Variants in PTPRD observed in about 807,000 individuals in gnomAD.
The protein encoded by PTPRD is protein tyrosine phosphatase receptor type D.
A neutral mutation model predicts 214.5 loss-of-function variants in PTPRD; 34 were observed. That is an observed-to-expected ratio of 0.16 (90% CI 0.12 to 0.21). PTPRD has a LOEUF of 0.21. PTPRD is among the 10% of genes least tolerant of loss of function. The probability of loss-of-function intolerance (pLI) is 1.00; values close to 1 mark genes in which losing one functional copy is unlikely to be tolerated. For missense variants in PTPRD, 2,545 were observed against 2,398.7 expected, an observed-to-expected ratio of 1.06 and a Z score of -1.27; for synonymous variants, 1,128 against 845.7, an observed-to-expected ratio of 1.33 and a Z score of -5.79.
At chr9:10,599,105 C>G (rs561375789) in intron 2 of PTPRD, among the ~76,000 whole-genome samples, 8 of 151,570 alleles carry the variant, frequency 5.3e-5, no homozygotes, top group African/African-American at 1.7e-4. Flanking sequence ...GAAATTGGAC[C>G]TATTTTCCTT....
Position 10,449,027 on chromosome 9 carries a change from A to G in PTPRD, c.-599-108010T>C, listed in dbSNP as rs190313859. Among the ~76,000 whole-genome samples, 38 of 152,092 alleles carry G rather than the reference A, an allele frequency of 2.5e-4. No homozygotes were observed. The East Asian group carries it at 3.7e-3, about 15-fold the overall frequency. Reference sequence around the variant, plus strand: ...TAAATTGTACCCTAGAACTTAAAGTATAATAAAAAAAGATTCTCTCCCTCT... The same window carrying G: ...TAAATTGTACCCTAGAACTTAAAGTGTAATAAAAAAAGATTCTCTCCCTCT... On this transcript the variant is annotated intron_variant, in intron 2 of 45. Transcript: ENST00000381196.
intron 5 of PTPRD, among the ~76,000 whole-genome samples, chr9:9,920,326 T>C (rs775299836): frequency 1.4e-4 from 22 of 152,122 alleles, no homozygotes; most frequent in Non-Finnish European, 2.8e-4. Context: ...CCATTTAAAG[T>C]TCAAAATTAC....
At chr9:10,147,570 T>C (rs2154274621) in intron 3 of PTPRD, among the ~76,000 whole-genome samples, 1 of 152,042 alleles carries the variant, frequency 6.6e-6, no homozygotes, top group South Asian at 2.1e-4. Flanking sequence ...GGAAGAAGAG[T>C]TATAGAGATG....
At chr9:9,701,325 A>C (rs1188423489) in intron 7 of PTPRD, among the ~76,000 whole-genome samples, 2 of 152,156 alleles carry the variant, frequency 1.3e-5, no homozygotes, top group Non-Finnish European at 2.9e-5. Context: ...TTAAGGACAA[A>C]AGCAGGTTTG....
intron 8 of PTPRD, among the ~76,000 whole-genome samples, chr9:9,401,539 C>G (rs1317875159): frequency 6.6e-6 from 1 of 151,898 alleles, no homozygotes; most frequent in East Asian, 1.9e-4. Context: ...ATTGTTTAAA[C>G]AGCCTGAGCC....
chr9:8,827,661 T>C (rs1342187229), intron 11 of PTPRD, among the ~76,000 whole-genome samples: 1 of 152,170 alleles, frequency 6.6e-6, no homozygotes, highest in Non-Finnish European at 1.5e-5. Flanking sequence ...ATTCCTTTTT[T>C]TCCCCTCATA....
intron 8 of PTPRD, among the ~76,000 whole-genome samples, chr9:9,484,527 T>G (rs1277753361): frequency 6.6e-6 from 1 of 152,180 alleles, no homozygotes; most frequent in African/African-American, 2.4e-5. Flanking sequence ...GATTCATGTT[T>G]GTTGCTGAAT....
At chr9:10,229,473 C>T (rs919510964) in intron 3 of PTPRD, among the ~76,000 whole-genome samples, 6 of 152,004 alleles carry the variant, frequency 3.9e-5, no homozygotes, top group African/African-American at 1.4e-4. Flanking sequence ...CAGTGATAGA[C>T]TGGATTAAGA....
At chr9:9,373,945 A>G (rs1281030496) in intron 9 of PTPRD, among the ~76,000 whole-genome samples, 1 of 151,972 alleles carries the variant, frequency 6.6e-6, no homozygotes, top group East Asian at 1.9e-4. Context: ...TAATGCAAAT[A>G]TTTTCTCTTA....
intron 3 of PTPRD, among the ~76,000 whole-genome samples, chr9:10,203,982 G>C (rs2099450025): frequency 6.6e-6 from 1 of 152,160 alleles, no homozygotes; most frequent in African/African-American, 2.4e-5. Context: ...GGCAGAATCT[G>C]TGAATCAGAT....
intron 11 of PTPRD, among the ~76,000 whole-genome samples, chr9:8,963,980 A>G (rs1351552500): frequency 6.6e-6 from 1 of 151,992 alleles, no homozygotes; most frequent in East Asian, 1.9e-4. Flanking sequence ...TTTTGTGTCT[A>G]TGTTTATCAG....
rs1240834326 is a variant in PTPRD, at chr9:8,618,927, T to G, written c.352+14390A>C. 6.3e-3 allele frequency among the ~76,000 whole-genome samples: 910 copies of G among 144,344 alleles called. 17 individuals carry two copies. The highest frequency in any genetic ancestry group is 0.022 in the African/African-American group (854 of 38,976). 94.7% of individuals were successfully genotyped at this position (144,344 alleles called of 152,430 possible). A position where few individuals can be genotyped will look rare whatever the true frequency, so the allele number is the denominator to read the frequency against. On this transcript the variant is annotated intron_variant, in intron 14 of 45. Coordinates refer to ENST00000381196, the MANE Select transcript of PTPRD (RefSeq NM_002839.4). ...CTGTGTTTTTTTGTTTTTTTTTTTT[T>G]TTTTTTTTTTTTACCGGAAACAGGG...
intron 9 of PTPRD, among the ~76,000 whole-genome samples, chr9:9,345,201 C>T (rs546569011): frequency 7.6e-4 from 115 of 152,198 alleles, no homozygotes; most frequent in Middle Eastern, 3.4e-3. Context: ...AATATTCTTC[C>T]TTACTGATAA....
chr9:9,301,113 T>C (rs1955124246), intron 9 of PTPRD, among the ~76,000 whole-genome samples: 1 of 151,846 alleles, frequency 6.6e-6, no homozygotes, highest in Non-Finnish European at 1.5e-5. Flanking sequence ...TGTGATTAAT[T>C]AACCTTTTAT....
At chr9:9,129,829 C>G (rs1029401795) in intron 10 of PTPRD, among the ~76,000 whole-genome samples, 3 of 152,114 alleles carry the variant, frequency 2.0e-5, no homozygotes, top group Admixed American at 2.0e-4. Flanking sequence ...TATTTATACT[C>G]AAGGCATGAC....
chr9:10,278,761 G>GTTTT (rs550606488), intron 3 of PTPRD, among the ~76,000 whole-genome samples: 17 of 147,624 alleles, frequency 1.2e-4, no homozygotes, highest in Non-Finnish European at 2.0e-4. Context: ...GTGGTAAAAG[G>GTTTT]TTTTTTTTTT....
At chr9:9,982,994 C>G (rs2095595973) in intron 4 of PTPRD, among the ~76,000 whole-genome samples, 1 of 150,686 alleles carries the variant, frequency 6.6e-6, no homozygotes, top group Non-Finnish European at 1.5e-5. Context: ...TGCCTAAAAT[C>G]AATGGAATAT....
chr9:9,166,042 A>G (rs2130750026), intron 10 of PTPRD, among the ~76,000 whole-genome samples: 1 of 152,204 alleles, frequency 6.6e-6, no homozygotes, highest in East Asian at 1.9e-4. Context: ...CTATGTAGGT[A>G]TTAAAAAAAC....
rs769337036 is a variant in PTPRD, at chr9:8,404,610, T to C, written c.4137A>G (p.Val1379=). 1.2e-6 allele frequency: 2 copies of C among 1,613,484 alleles called. No individual in the cohort carries two copies. Among genetic ancestry groups the C allele is most frequent in the African/African-American group, 1.3e-5 (1 of 74,946 alleles). Residue 1379 remains valine, a synonymous_variant, in exon 36 of 46, where the codon GTA becomes GTG. Coordinates refer to ENST00000381196, the MANE Select transcript of PTPRD (RefSeq NM_002839.4). ...TCGCGTATCTATTCTTTGGTTTGTT[T>C]ACTTCCAAGTTTGAATGTTCCCAAG... ...QFTWEHSNLE[V]NKPKNRYANV...
Sources: gnomAD v4.1 joint callset for allele counts (sites outside exome capture counted in the v4.1 genomes callset) on GRCh38, gnomAD v4.1.1 for gene constraint, MANE v1.5 for transcripts, NCBI Gene and HGNC (gene_info 2026-07-23, HGNC 2026-07-21) for gene names.